ZNF69: variants seen among roughly 807,000 people sequenced by gnomAD.
The protein encoded by ZNF69 is zinc finger protein 69.
A neutral mutation model predicts 50.9 loss-of-function variants in ZNF69; 47 were observed. The ratio of observed to expected loss-of-function variants is 0.92; its 90% CI spans 0.73 to 1.18. ZNF69 has a LOEUF of 1.18. Ranked by LOEUF, ZNF69 falls within the 50% of genes most tolerant of loss-of-function variation. ZNF69 has a pLI of 0.00. For missense variants in ZNF69, 717 were observed against 675.1 expected (o/e 1.06, Z -0.69); for synonymous variants, 216 against 223.1 (o/e 0.97, Z 0.29).
chr19:11,906,204 G>C lies in ZNF69; in HGVS notation c.*106G>C. 2.0e-6 allele frequency: 3 copies of C among 1,536,212 alleles called. No individual in the cohort carries two copies. The highest frequency in any genetic ancestry group is 2.6e-6 in the Non-Finnish European group (3 of 1,149,620). ...GTGGGAAACCCTTCAGGTCTGCCCAGAACCTTCGAATTCAGTAAAGGACAC... is the reference window on the plus strand; with the variant it reads ...GTGGGAAACCCTTCAGGTCTGCCCACAACCTTCGAATTCAGTAAAGGACAC... On this transcript the variant is annotated 3_prime_UTR_variant, in exon 4 of 4. Coordinates refer to ENST00000429654, the MANE Select transcript of ZNF69 (RefSeq NM_001364730.1).
downstream of ZNF69, among the ~76,000 whole-genome samples, chr19:11,911,075 C>G (rs1050768323): frequency 6.6e-6 from 1 of 152,136 alleles, no homozygotes; most frequent in African/African-American, 2.4e-5. Context: ...TGAAAAAATG[C>G]TCACCATCAC....
intron 1 of ZNF69, among the ~76,000 whole-genome samples, chr19:11,888,485 TA>T (rs1363916971): frequency 5.9e-5 from 9 of 152,104 alleles, no homozygotes; most frequent in Non-Finnish European, 1.2e-4. Context: ...CCAAACTATG[TA>T]AAATAAAGAA....
At chr19:11,947,045 GAA>G in the ZNF69 span, 1 of 1,386,726 alleles carries the variant, frequency 7.2e-7, no homozygotes, top group African/African-American at 1.5e-5. Flanking sequence ...TAGATGGAGA[GAA>G]AGGGATCTGA....
the ZNF69 span, among the ~76,000 whole-genome samples, chr19:11,967,858 C>T: frequency 8.5e-4 from 130 of 152,324 alleles, no homozygotes; most frequent in African/African-American, 2.9e-3. Context: ...GCTGTGCCTA[C>T]GTGCATGTGG....
At chr19:11,889,609 G>A (rs913574122) in intron 1 of ZNF69, among the ~76,000 whole-genome samples, 2 of 152,214 alleles carry the variant, frequency 1.3e-5, no homozygotes, top group African/African-American at 2.4e-5. Flanking sequence ...GGGATTACAG[G>A]CACGCACCTG....
chr19:11,951,364 G>C, the ZNF69 span, among the ~76,000 whole-genome samples: 10 of 151,420 alleles, frequency 6.6e-5, 1 homozygote, highest in East Asian at 2.0e-3. Context: ...GAGTAGCTGG[G>C]ACTACAGGCG....
chr19:11,959,254 G>A, the ZNF69 span, among the ~76,000 whole-genome samples: 1 of 152,168 alleles, frequency 6.6e-6, no homozygotes, highest in Non-Finnish European at 1.5e-5. Flanking sequence ...ACCTTAATGA[G>A]TAGTTTGGTA....
At chr19:11,959,863 AT>A in the ZNF69 span, among the ~76,000 whole-genome samples, 2 of 152,130 alleles carry the variant, frequency 1.3e-5, no homozygotes, top group Non-Finnish European at 2.9e-5. Context: ...AACACTTTGA[AT>A]TATCTAACTC....
chr19:11,979,754 C>T, the ZNF69 span: 95 of 1,572,614 alleles, frequency 6.0e-5, no homozygotes, highest in Non-Finnish European at 7.4e-5. Context: ...TGCCCCACAC[C>T]TTCGAATCCA....
At chr19:11,948,561 A>T in the ZNF69 span, 2 of 1,608,320 alleles carry the variant, frequency 1.2e-6, no homozygotes, top group South Asian at 2.2e-5. Context: ...GGTATCGCCC[A>T]TCCATTAGAA....
the ZNF69 span, among the ~76,000 whole-genome samples, chr19:11,938,793 A>G: frequency 0.01 from 1,531 of 152,328 alleles, 35 homozygotes; most frequent in East Asian, 0.077. Context: ...TCCTTGAGGA[A>G]TCACCACACT....
intron 1 of ZNF69, among the ~76,000 whole-genome samples, chr19:11,898,827 C>G (rs1468576937): frequency 6.6e-6 from 1 of 152,140 alleles, no homozygotes; most frequent in Non-Finnish European, 1.5e-5. Context: ...TAGCAAGACC[C>G]TGTTTCAAAG....
chr19:11,936,856 A>G, the ZNF69 span, among the ~76,000 whole-genome samples: 1 of 152,162 alleles, frequency 6.6e-6, no homozygotes, highest in Admixed American at 6.6e-5. Flanking sequence ...TCTTGAATTA[A>G]TTTTTGTGTA....
At chr19:11,922,479 A>G in the ZNF69 span, among the ~76,000 whole-genome samples, 2 of 152,216 alleles carry the variant, frequency 1.3e-5, no homozygotes, top group African/African-American at 4.8e-5. Context: ...GTTTACCACA[A>G]CAATGGGATT....
exon 5 of ZNF69, chr19:11,913,423 CTG>C: frequency 1.8e-6 from 1 of 559,512 alleles, no homozygotes; most frequent in East Asian, 3.3e-5. Context: ...AAATCTCACT[CTG>C]TCACCCAGGC....
At chr19:11,945,062 A>G in the ZNF69 span, among the ~76,000 whole-genome samples, 6 of 152,228 alleles carry the variant, frequency 3.9e-5, no homozygotes, top group Admixed American at 2.6e-4. Context: ...CCAGGGCCCC[A>G]CAGTCTGGGT....
chr19:11,911,818 A>G (rs1972462735), intron 4 of ZNF69, among the ~76,000 whole-genome samples: 1 of 151,204 alleles, frequency 6.6e-6, no homozygotes, highest in Non-Finnish European at 1.5e-5. Flanking sequence ...TTAAAGTATA[A>G]TAATAATAAT....
chr19:11,917,035 T>C (rs1972528472), downstream of ZNF69, among the ~76,000 whole-genome samples: 1 of 152,128 alleles, frequency 6.6e-6, no homozygotes, highest in Non-Finnish European at 1.5e-5. Context: ...TTATGGAACT[T>C]GAGTAAGGTG....
chr19:11,934,788 A>G, the ZNF69 span, among the ~76,000 whole-genome samples: 4 of 147,752 alleles, frequency 2.7e-5, no homozygotes, highest in Admixed American at 6.6e-5. Context: ...CGGCTTCCCA[A>G]TGTGCTGGAT....
Sources: allele counts gnomAD v4.1 joint callset (sites outside exome capture counted in the v4.1 genomes callset), GRCh38; gene constraint gnomAD v4.1.1; transcripts MANE v1.5; gene names NCBI Gene and HGNC (gene_info 2026-07-23, HGNC 2026-07-21).